The following DNM3 variants were observed in gnomAD, a reference collection of about 807,000 sequenced individuals.
The protein encoded by DNM3 is dynamin 3.
A neutral mutation model predicts 101.6 loss-of-function variants in DNM3; 47 were observed. That is an observed-to-expected ratio of 0.46 (90% confidence interval 0.37 to 0.59). The LOEUF is 0.59. Among genes scored for constraint, DNM3 ranks in the 20% least tolerant of loss-of-function variants. The pLI is 0.00. For missense variants in DNM3, 849 were observed against 1,085.7 expected (o/e 0.78, Z 3.06); for synonymous variants, 385 against 387.9 (o/e 0.99, Z 0.09).
At chr1:171,920,612 C>T (rs996584302) in intron 1 of DNM3, among the ~76,000 whole-genome samples, 1 of 152,164 alleles carries the variant, frequency 6.6e-6, no homozygotes, top group Admixed American at 6.5e-5. Context: ...GATGATTCCT[C>T]TAAAAGTTGT....
intron 14 of DNM3, among the ~76,000 whole-genome samples, chr1:172,232,033 A>C (rs1409773550): frequency 1.3e-5 from 2 of 152,210 alleles, no homozygotes; most frequent in South Asian, 2.1e-4. Context: ...GATATTATCC[A>C]TAACAATATT....
At chr1:172,000,384 C>T (rs139356673) in intron 4 of DNM3, among the ~76,000 whole-genome samples, 9 of 152,178 alleles carry the variant, frequency 5.9e-5, no homozygotes, top group African/African-American at 1.7e-4. Context: ...TTGCTCCCAA[C>T]CTAAAGACGT....
At chr1:172,036,493 T>C (rs925798948) in intron 6 of DNM3, among the ~76,000 whole-genome samples, 6 of 151,926 alleles carry the variant, frequency 3.9e-5, no homozygotes, top group African/African-American at 1.4e-4. Context: ...TAACGCCGCA[T>C]ATCTACAACT....
intron 17 of DNM3, among the ~76,000 whole-genome samples, chr1:172,347,069 A>T (rs1301205986): frequency 6.6e-6 from 1 of 152,228 alleles, no homozygotes; most frequent in Non-Finnish European, 1.5e-5. Flanking sequence ...CTGCATAGCC[A>T]CAAGTTTGCC....
intron 10 of DNM3, among the ~76,000 whole-genome samples, chr1:172,067,697 A>C (rs2051800623): frequency 6.6e-6 from 1 of 152,076 alleles, no homozygotes. Flanking sequence ...TCTTCCTTAT[A>C]TTGAAAACAA....
chr1:172,027,766 T>C (rs1193745447), intron 4 of DNM3, among the ~76,000 whole-genome samples: 4 of 152,020 alleles, frequency 2.6e-5, no homozygotes, highest in Non-Finnish European at 5.9e-5. Flanking sequence ...AAGCAGAGAT[T>C]GCAATCCTAG....
chr1:172,146,212 C>T (rs913928223), intron 14 of DNM3, among the ~76,000 whole-genome samples: 3 of 152,128 alleles, frequency 2.0e-5, no homozygotes, highest in African/African-American at 4.8e-5. Flanking sequence ...CTTTTTTATA[C>T]GCTGCATTGT....
At chr1:172,293,295 G>T (rs1391963044) in intron 15 of DNM3, among the ~76,000 whole-genome samples, 1 of 152,180 alleles carries the variant, frequency 6.6e-6, no homozygotes, top group Non-Finnish European at 1.5e-5. Context: ...CTTATGAAAT[G>T]TTAATGAAAG....
chr1:172,183,210 A>G (rs1572861502), intron 14 of DNM3, among the ~76,000 whole-genome samples: 1 of 152,248 alleles, frequency 6.6e-6, no homozygotes, highest in Admixed American at 6.5e-5. Context: ...GTTATTCTCC[A>G]TATCGTCTCC....
chr1:172,412,632 G>A lies in DNM3; in HGVS notation c.*4791G>A, dbSNP rs978746566. ...TTTTTGAAGAAAAATCTCAAAGCCT[G>A]TATCGTTCTTGAAGGTCACATGTAC... On this transcript the variant is annotated 3_prime_UTR_variant, in exon 21 of 21. Coordinates refer to ENST00000627582, the MANE Select transcript of DNM3 (RefSeq NM_015569.5). 1.0e-6 allele frequency: 1 copy of A among 985,676 alleles called. No individual in the cohort carries two copies. Among genetic ancestry groups the A allele is most frequent in the African/African-American group, 1.7e-5 (1 of 57,214 alleles). The allele number at this position is 985,676 out of a possible 1,614,324, so 61.1% of individuals were successfully genotyped here.
At chr1:172,118,603 GC>G (rs1482426158) in intron 13 of DNM3, among the ~76,000 whole-genome samples, 5 of 151,780 alleles carry the variant, frequency 3.3e-5, no homozygotes. Flanking sequence ...TCTGGAAGAT[GC>G]TGAGAAAGTA....
At chr1:172,128,804 T>C (rs1177104058) in intron 13 of DNM3, among the ~76,000 whole-genome samples, 1 of 152,198 alleles carries the variant, frequency 6.6e-6, no homozygotes, top group Non-Finnish European at 1.5e-5. Context: ...ATAAATCCTG[T>C]TGATTTTACC....
In DNM3 at chr1:172,411,057, A is replaced by G. The variant is rs1309467419; in HGVS notation, c.*3216A>G. ...AAATACTAGTTAAAATGCCACAAGC[A>G]TGAGTGTGATTGTATGTGCACTGTG... On this transcript the variant is annotated 3_prime_UTR_variant, in exon 21 of 21. Transcript: ENST00000627582. 4.9e-5 allele frequency: 48 copies of G among 985,158 alleles called. No homozygotes were observed. Among genetic ancestry groups the G allele is most frequent in the Non-Finnish European group, 5.7e-5 (47 of 829,812 alleles). The allele number at this position is 985,158 out of a possible 1,614,324, so 61.0% of individuals were successfully genotyped here. A position where few individuals can be genotyped will look rare whatever the true frequency, so the allele number is the denominator to read the frequency against.
chr1:172,368,613 T>TTC (rs2068154828), intron 17 of DNM3, among the ~76,000 whole-genome samples: 1 of 149,810 alleles, frequency 6.7e-6, no homozygotes, highest in African/African-American at 2.5e-5. Context: ...AGGAAAGAAA[T>TTC]AATAAAGATC....
At position 172,334,275 on chromosome 1, in the gene DNM3, T is replaced by C. The variant is rs114073923; in HGVS notation, c.1893+10935T>C. ...CATCATAAATTGGAGACTGTCTATA[T>C]ATTGTTTCCACATAGACCAGTGATT... On this transcript the variant is annotated intron_variant, in intron 17 of 20. Coordinates refer to ENST00000627582, the MANE Select transcript of DNM3 (RefSeq NM_015569.5). Among the ~76,000 whole-genome samples, 274 of 152,336 alleles carry C rather than the reference T, an allele frequency of 1.8e-3. 1 individual carries two copies. Among genetic ancestry groups the C allele is most frequent in the African/African-American group, 6.4e-3 (265 of 41,576 alleles).
intron 13 of DNM3, among the ~76,000 whole-genome samples, chr1:172,122,886 CTCA>C (rs2056404363): frequency 1.3e-5 from 2 of 152,256 alleles, no homozygotes; most frequent in South Asian, 4.2e-4. Flanking sequence ...TCTCATTTTC[CTCA>C]CCTATCGGGG....
At chr1:172,193,426 G>T (rs572051065) in intron 14 of DNM3, among the ~76,000 whole-genome samples, 1 of 152,252 alleles carries the variant, frequency 6.6e-6, no homozygotes, top group South Asian at 2.1e-4. Context: ...AATAGTTTCA[G>T]AAGGAATGGA....
intron 14 of DNM3, among the ~76,000 whole-genome samples, chr1:172,199,086 C>T (rs1463299754): frequency 6.6e-6 from 1 of 151,940 alleles, no homozygotes; most frequent in Non-Finnish European, 1.5e-5. Context: ...TGGCTGTGTC[C>T]CAGAGATTCT....
intron 15 of DNM3, among the ~76,000 whole-genome samples, chr1:172,286,068 T>TTTTATA (rs1553222035): frequency 6.8e-6 from 1 of 147,454 alleles, no homozygotes; most frequent in South Asian, 2.1e-4. Flanking sequence ...AGTGAGTTAT[T>TTTTATA]TATATATATA....
Sources: allele counts gnomAD v4.1 joint callset (sites outside exome capture counted in the v4.1 genomes callset), GRCh38; gene constraint gnomAD v4.1.1; transcripts MANE v1.5; gene names NCBI Gene and HGNC (gene_info 2026-07-23, HGNC 2026-07-21).